The following ADGRB3 variants were observed in gnomAD, a reference collection of about 807,000 sequenced individuals.
ADGRB3 encodes the protein brain-specific angiogenesis inhibitor 3.
ADGRB3 carries 37 observed loss-of-function variants against 193.4 expected under a neutral mutation model. The observed-to-expected ratio is 0.19, with a 90% CI of 0.15 to 0.25. The LOEUF (loss-of-function observed/expected upper bound fraction) is 0.25, where lower values mean the gene tolerates loss of function less well. ADGRB3 is among the 10% of genes least tolerant of loss of function. ADGRB3 has a pLI of 1.00. For synonymous variants in ADGRB3, 690 were observed against 644.2 expected (o/e 1.07, Z -1.08); for missense variants, 1,637 against 1,852.9 (o/e 0.88, Z 2.14).
chr6:69,280,785 A>G (rs1057490530), intron 20 of ADGRB3, among the ~76,000 whole-genome samples: 4 of 152,178 alleles, frequency 2.6e-5, no homozygotes, highest in African/African-American at 9.7e-5. Context: ...CTGTAGCTCT[A>G]AACAGTAAAC....
intron 3 of ADGRB3, among the ~76,000 whole-genome samples, chr6:68,686,122 A>G (rs1237356721): frequency 2.6e-5 from 4 of 152,300 alleles, no homozygotes; most frequent in African/African-American, 7.2e-5. Flanking sequence ...TGTAAGGTGG[A>G]CACCTGAAGA....
At chr6:69,239,347 C>T in intron 20 of ADGRB3, 121 bp downstream of exon 20, 1 of 674,668 alleles carries the variant, frequency 1.5e-6, no homozygotes, top group Non-Finnish European at 2.4e-6. Context: ...TATTTTAAAG[C>T]AAAATTTTGT....
intron 3 of ADGRB3, among the ~76,000 whole-genome samples, chr6:68,883,135 A>G (rs915459964): frequency 9.2e-5 from 14 of 152,124 alleles, no homozygotes; most frequent in Non-Finnish European, 1.8e-4. Context: ...TTGTAAATAC[A>G]CCAATCAGCA....
At chr6:68,883,489 T>C (rs1395388553) in intron 3 of ADGRB3, among the ~76,000 whole-genome samples, 1 of 152,216 alleles carries the variant, frequency 6.6e-6, no homozygotes, top group African/African-American at 2.4e-5. Context: ...TTCTCGCTCA[T>C]TGGGTCTGTA....
At chr6:69,241,112 A>T (rs556398563) in intron 20 of ADGRB3, among the ~76,000 whole-genome samples, 1 of 152,088 alleles carries the variant, frequency 6.6e-6, no homozygotes, top group East Asian at 1.9e-4. Flanking sequence ...AGTTTTGATA[A>T]GTTCTGAGCC....
intron 20 of ADGRB3, among the ~76,000 whole-genome samples, chr6:69,269,442 T>G (rs1767125656): frequency 6.6e-6 from 1 of 152,224 alleles, no homozygotes. Context: ...GTATGTTTAT[T>G]TTAATAAAGT....
At chr6:69,312,926 A>T (rs1768226892) in intron 20 of ADGRB3, among the ~76,000 whole-genome samples, 1 of 151,788 alleles carries the variant, frequency 6.6e-6, no homozygotes, top group African/African-American at 2.4e-5. Context: ...TATTGTTGTT[A>T]ATACTTTTGA....
intron 3 of ADGRB3, among the ~76,000 whole-genome samples, chr6:68,801,819 C>T (rs576469125): frequency 6.6e-5 from 10 of 152,294 alleles, no homozygotes; most frequent in African/African-American, 2.2e-4. Flanking sequence ...GAAGGCTACT[C>T]GTCTCCAGTA....
At chr6:69,365,440 A>T (rs1401816452) in intron 29 of ADGRB3, among the ~76,000 whole-genome samples, 1 of 152,020 alleles carries the variant, frequency 6.6e-6, no homozygotes, top group Non-Finnish European at 1.5e-5. Flanking sequence ...CTCTTCTGCG[A>T]ATCCCTGGGT....
chr6:69,149,495 A>T (rs746963611), intron 17 of ADGRB3, among the ~76,000 whole-genome samples: 1 of 152,060 alleles, frequency 6.6e-6, no homozygotes. Context: ...ATTTTGAATG[A>T]TCTGACTGAA....
At chr6:68,813,064 G>A (rs887808497) in intron 3 of ADGRB3, among the ~76,000 whole-genome samples, 1 of 152,086 alleles carries the variant, frequency 6.6e-6, no homozygotes, top group Admixed American at 6.6e-5. Flanking sequence ...GAATTCCCAC[G>A]TGTTGTGGGA....
At chr6:69,264,655 A>G (rs1051935870) in intron 20 of ADGRB3, among the ~76,000 whole-genome samples, 1 of 151,776 alleles carries the variant, frequency 6.6e-6, no homozygotes, top group Admixed American at 6.6e-5. Context: ...AAATATACCT[A>G]TGAACGAGTC....
chr6:68,850,990 AT>A (rs1442354396), intron 3 of ADGRB3, among the ~76,000 whole-genome samples: 3 of 151,914 alleles, frequency 2.0e-5, no homozygotes, highest in Non-Finnish European at 4.4e-5. Context: ...TCAATGTGTT[AT>A]TTAATAATAT....
chr6:69,196,899 G>A (rs548085549), intron 17 of ADGRB3, among the ~76,000 whole-genome samples: 10 of 152,204 alleles, frequency 6.6e-5, no homozygotes, highest in African/African-American at 1.7e-4. Context: ...ACAGGCATTA[G>A]GGTCAGACAT....
intron 3 of ADGRB3, among the ~76,000 whole-genome samples, chr6:68,838,896 TAAAAC>T (rs1185743789): frequency 6.6e-6 from 1 of 152,146 alleles, no homozygotes; most frequent in Non-Finnish European, 1.5e-5. Flanking sequence ...AACAGACAAT[TAAAAC>T]AAAATTAAGT....
At chr6:68,675,579 G>C (rs1769069626) in intron 3 of ADGRB3, among the ~76,000 whole-genome samples, 1 of 152,030 alleles carries the variant, frequency 6.6e-6, no homozygotes, top group Non-Finnish European at 1.5e-5. Context: ...ACAACTCACA[G>C]GAAAAGCTAA....
intron 8 of ADGRB3, among the ~76,000 whole-genome samples, chr6:68,965,975 T>C (rs12191480): frequency 0.16 from 23,779 of 152,170 alleles, 2,439 homozygotes; most frequent in Non-Finnish European, 0.23. Context: ...GATTCCATCA[T>C]ATATATCAAT....
intron 11 of ADGRB3, among the ~76,000 whole-genome samples, chr6:68,998,512 A>T (rs1306704517): frequency 6.6e-6 from 1 of 152,236 alleles, no homozygotes; most frequent in South Asian, 2.1e-4. Flanking sequence ...TTCCATTAAA[A>T]TGGGCACAGT....
chr6:69,388,285 A>AATT (rs1180885141), intron 31 of ADGRB3, among the ~76,000 whole-genome samples: 1 of 152,134 alleles, frequency 6.6e-6, no homozygotes, highest in African/African-American at 2.4e-5. Context: ...ATCAAATAAT[A>AATT]TGCCCCATAA....
Sources: gnomAD v4.1 joint callset for allele counts (sites outside exome capture counted in the v4.1 genomes callset) on GRCh38, gnomAD v4.1.1 for gene constraint, MANE v1.5 for transcripts, NCBI Gene and HGNC (gene_info 2026-07-23, HGNC 2026-07-21) for gene names.